The following CARMIL1 variants were observed in gnomAD, a reference collection of about 807,000 sequenced individuals.
The protein encoded by CARMIL1 is capping protein regulator and myosin 1 linker 1, also known as F-actin-uncapping protein LRRC16A.
A neutral mutation model predicts 177.1 loss-of-function variants in CARMIL1; 90 were observed. That is an observed-to-expected ratio of 0.51 (90% CI 0.43 to 0.61). The LOEUF is 0.61. Ranked by LOEUF, CARMIL1 falls within the 20% of genes least tolerant of loss-of-function variation. CARMIL1 has a pLI of 0.00. For synonymous variants in CARMIL1, 577 were observed against 606.2 expected, an observed-to-expected ratio of 0.95 and a Z score of 0.71; for missense variants, 1,380 against 1,667.0, an observed-to-expected ratio of 0.83 and a Z score of 3.00.
intron 29 of CARMIL1, among the ~76,000 whole-genome samples, chr6:25,572,289 T>C (rs1812144139): frequency 6.6e-6 from 1 of 152,180 alleles, no homozygotes; most frequent in South Asian, 2.1e-4. Context: ...TATATTTGTA[T>C]TTATTAGACT....
At chr6:25,599,346 G>C (rs1251550230) in intron 32 of CARMIL1, among the ~76,000 whole-genome samples, 1 of 152,104 alleles carries the variant, frequency 6.6e-6, no homozygotes, top group Admixed American at 6.5e-5. Context: ...GTGTATTTTG[G>C]CTTCCAAATT....
At chr6:25,441,312 CAA>C (rs1797720203) in intron 5 of CARMIL1, among the ~76,000 whole-genome samples, 1 of 74,022 alleles carries the variant, frequency 1.4e-5, no homozygotes, top group African/African-American at 5.7e-5. Context: ...AACAAACAAA[CAA>C]ACAAACATAT....
At chr6:25,371,201 G>T (rs577251534) in intron 2 of CARMIL1, among the ~76,000 whole-genome samples, 4 of 152,298 alleles carry the variant, frequency 2.6e-5, no homozygotes, top group African/African-American at 7.2e-5. Context: ...CTTTGCAATT[G>T]TGAATGGTGC....
chr6:25,582,220 TCTTA>T (rs1289626716), intron 31 of CARMIL1, among the ~76,000 whole-genome samples: 1 of 152,184 alleles, frequency 6.6e-6, no homozygotes, highest in African/African-American at 2.4e-5. Flanking sequence ...CTGTCCGTCA[TCTTA>T]CTTGATGTTT....
At position 25,465,906 on chromosome 6, in the gene CARMIL1, T is replaced by C. The variant is rs370454718; in HGVS notation, c.648T>C (p.Tyr216=). 8 of 1,612,836 alleles carry C rather than the reference T, an allele frequency of 5.0e-6. No homozygotes were observed. The highest frequency in any genetic ancestry group is 2.7e-5 in the African/African-American group (2 of 74,908). Residue 216 remains tyrosine (Y), a synonymous_variant, in exon 9 of 37, where the codon TAT becomes TAC. Transcript: ENST00000329474. ...TACCTATCATTGCTGCTCTGGAATA[T>C]AATCAGTGGTTCACAAAACTGTCCT... ...DLIPIIAALE[Y]NQWFTKLSSK...
intron 4 of CARMIL1, among the ~76,000 whole-genome samples, chr6:25,428,901 T>G (rs1414186539): frequency 6.6e-6 from 1 of 152,244 alleles, no homozygotes; most frequent in Non-Finnish European, 1.5e-5. Context: ...CTTGTTCTAC[T>G]CACGTATTAG....
chr6:25,566,709 A>G (rs1195533717), intron 29 of CARMIL1, among the ~76,000 whole-genome samples: 2 of 152,254 alleles, frequency 1.3e-5, no homozygotes, highest in Non-Finnish European at 2.9e-5. Context: ...AAAATTGCTA[A>G]GTAAAATTCA....
intron 2 of CARMIL1, among the ~76,000 whole-genome samples, chr6:25,419,357 G>T (rs1795636342): frequency 2.0e-5 from 3 of 152,282 alleles, no homozygotes; most frequent in Admixed American, 6.5e-5. Flanking sequence ...GACTCATGAG[G>T]CCTGTCCAAA....
At chr6:25,358,353 GGTATTACTTGAAT>G (rs1382313098) in intron 2 of CARMIL1, among the ~76,000 whole-genome samples, 1 of 152,018 alleles carries the variant, frequency 6.6e-6, no homozygotes, top group East Asian at 1.9e-4. Context: ...AGGTAGGAGA[GGTATTACTTGAAT>G]GTGACGCATA....
intron 26 of CARMIL1, among the ~76,000 whole-genome samples, chr6:25,547,003 C>G (rs1026599969): frequency 6.8e-6 from 1 of 146,990 alleles, no homozygotes; most frequent in African/African-American, 2.5e-5. Context: ...TGCAGAGAGC[C>G]GAGATCACGG....
intron 2 of CARMIL1, among the ~76,000 whole-genome samples, chr6:25,303,502 A>G (rs748846992): frequency 1.3e-4 from 20 of 152,212 alleles, no homozygotes; most frequent in Non-Finnish European, 2.9e-4. Context: ...TTCCAAACTT[A>G]AACAAGTTTC....
intron 2 of CARMIL1, among the ~76,000 whole-genome samples, chr6:25,345,214 C>T (rs1304056966): frequency 6.6e-6 from 1 of 152,100 alleles, no homozygotes; most frequent in Non-Finnish European, 1.5e-5. Flanking sequence ...TCAGTAAGTC[C>T]CCTCCATGAA....
chr6:25,323,341 T>C (rs921188260), intron 2 of CARMIL1, among the ~76,000 whole-genome samples: 1 of 148,758 alleles, frequency 6.7e-6, no homozygotes, highest in African/African-American at 2.5e-5. Flanking sequence ...CCCAGCACTT[T>C]GGGAGGCCAA....
At chr6:25,285,540 A>G (rs941493647) in intron 2 of CARMIL1, among the ~76,000 whole-genome samples, 11 of 152,120 alleles carry the variant, frequency 7.2e-5, no homozygotes, top group African/African-American at 2.7e-4. Context: ...ACAGAGTTGT[A>G]CCTTTAGAGA....
chr6:25,351,032 A>G (rs547509618), intron 2 of CARMIL1, among the ~76,000 whole-genome samples: 6 of 152,330 alleles, frequency 3.9e-5, no homozygotes, highest in Non-Finnish European at 8.8e-5. Context: ...TTGGATCATT[A>G]TAGAAACATG....
intron 2 of CARMIL1, among the ~76,000 whole-genome samples, chr6:25,308,526 C>T (rs566752211): frequency 6.1e-4 from 93 of 152,002 alleles, no homozygotes; most frequent in African/African-American, 2.0e-3. Context: ...GGACTACAGG[C>T]GCGTGCCACC....
chr6:25,416,002 T>G (rs144109478), intron 2 of CARMIL1, among the ~76,000 whole-genome samples: 6 of 151,634 alleles, frequency 4.0e-5, no homozygotes, highest in Non-Finnish European at 7.4e-5. Context: ...GGGGAGCCAG[T>G]GAGGAGAGGC....
chr6:25,308,562 T>A (rs1783474885), intron 2 of CARMIL1, among the ~76,000 whole-genome samples: 1 of 152,074 alleles, frequency 6.6e-6, no homozygotes, highest in Non-Finnish European at 1.5e-5. Flanking sequence ...TTTGTATTTT[T>A]CATAGAGATG....
chr6:25,395,679 C>T (rs532186775), intron 2 of CARMIL1, among the ~76,000 whole-genome samples: 4 of 152,268 alleles, frequency 2.6e-5, no homozygotes, highest in East Asian at 3.9e-4. Flanking sequence ...TAGTATTGCT[C>T]GCTTTTTGAA....
Sources: allele counts gnomAD v4.1 joint callset (sites outside exome capture counted in the v4.1 genomes callset), GRCh38; gene constraint gnomAD v4.1.1; transcripts MANE v1.5; gene names NCBI Gene and HGNC (gene_info 2026-07-23, HGNC 2026-07-21).